CACNA1C: variants seen among roughly 807,000 people sequenced by gnomAD.
CACNA1C encodes calcium voltage-gated channel subunit alpha1 C, also known as voltage-dependent L-type calcium channel subunit alpha-1C.
CACNA1C carries 30 observed loss-of-function variants against 229.0 expected under a neutral mutation model. That is an observed-to-expected ratio of 0.13 (90% CI 0.10 to 0.18). The LOEUF (loss-of-function observed/expected upper bound fraction) is 0.18, where lower values mean the gene tolerates loss of function less well. Among genes scored for constraint, CACNA1C ranks in the 10% least tolerant of loss-of-function variants. CACNA1C has a pLI of 1.00. For synonymous variants in CACNA1C, 1,114 were observed against 1,132.5 expected, an observed-to-expected ratio of 0.98 and a Z score of 0.33; for missense variants, 1,658 against 2,845.0, an observed-to-expected ratio of 0.58 and a Z score of 9.49.
chr12:2,660,233 A>G (rs908252813), intron 34 of CACNA1C: 1 of 152,316 alleles, frequency 6.6e-6, no homozygotes, highest in African/African-American at 2.4e-5. Context: ...TCAGAGTTGC[A>G]TTGTGGGTGC....
intron 3 of CACNA1C, among the ~76,000 whole-genome samples, chr12:2,283,416 G>A (rs990327461): frequency 2.0e-5 from 3 of 152,128 alleles, no homozygotes; most frequent in Non-Finnish European, 2.9e-5. Context: ...GGTTGGGCTG[G>A]ACAAATTAGA....
chr12:2,190,909 A>G (rs776335628), intron 3 of CACNA1C, among the ~76,000 whole-genome samples: 4 of 152,140 alleles, frequency 2.6e-5, no homozygotes, highest in Non-Finnish European at 5.9e-5. Flanking sequence ...TGGCTGACAG[A>G]TAAGGGCCCA....
chr12:2,018,540 C>T (rs1371893037), intron 1 of CACNA1C, among the ~76,000 whole-genome samples: 1 of 152,166 alleles, frequency 6.6e-6, no homozygotes, highest in Admixed American at 6.5e-5. Flanking sequence ...ATGAAAGCAA[C>T]AGAGCAAGGA....
At chr12:2,499,198 C>T (rs144445889) in intron 7 of CACNA1C, among the ~76,000 whole-genome samples, 13 of 152,232 alleles carry the variant, frequency 8.5e-5, no homozygotes, top group East Asian at 7.7e-4. Context: ...TTCTGAAAGC[C>T]GCAGGTTGAT....
In CACNA1C at chr12:2,689,184, C is replaced by T. The variant is rs58010731; in HGVS notation, c.6117+405C>T. ...TTAACTGATGATTGTTAAAGCTCTT[C>T]GATGATTTTAACGTGTAGCAAGGTT... On this transcript the variant is annotated intron_variant, in intron 46 of 46. Transcript: ENST00000399655. This position sits in a 1 kb window ranked among gnomAD's most constrained non-coding sequence, Gnocchi z 4.2. 0.81 allele frequency among the ~76,000 whole-genome samples: 122,442 copies of T among 152,066 alleles called. 52,646 individuals are homozygous for T. The highest frequency in any genetic ancestry group is 0.96 in the South Asian group (4,615 of 4,818).
At chr12:2,457,400 T>A (rs2154564892) in intron 4 of CACNA1C, among the ~76,000 whole-genome samples, 167 bp from the exon 5 acceptor site, 1 of 152,318 alleles carries the variant, frequency 6.6e-6, no homozygotes, top group South Asian at 2.1e-4. Flanking sequence ...ACTGAGGGGA[T>A]GTCAGCTTAC....
At chr12:2,686,676 C>T (rs929872588) in intron 45 of CACNA1C, among the ~76,000 whole-genome samples, 2 of 152,192 alleles carry the variant, frequency 1.3e-5, no homozygotes, top group Admixed American at 1.3e-4. Flanking sequence ...CACAAAAATC[C>T]ATCCAGTGAC....
At chr12:2,302,974 T>C (rs2094693502) in intron 3 of CACNA1C, among the ~76,000 whole-genome samples, 1 of 152,132 alleles carries the variant, frequency 6.6e-6, no homozygotes, top group Non-Finnish European at 1.5e-5. Context: ...GGGGGCCTGG[T>C]AAATGCAGAG....
chr12:2,138,461 T>G (rs960677505), intron 3 of CACNA1C, among the ~76,000 whole-genome samples: 10 of 151,098 alleles, frequency 6.6e-5, no homozygotes, highest in African/African-American at 2.2e-4. Context: ...GCTTGAACCC[T>G]GGCAGTTGGG....
rs2154506179 is a variant in CACNA1C at position 2,054,755 on chromosome 12, C to A, written c.49+1144C>A. ...AGTCTCTCCCTTTTCTCTCCCAGTTCCCAGAGCCTCCCTGTTTGCACTCTT... is the reference window on the plus strand; with the variant it reads ...AGTCTCTCCCTTTTCTCTCCCAGTTACCAGAGCCTCCCTGTTTGCACTCTT... On this transcript the variant is annotated intron_variant, in intron 1 of 46. Transcript: ENST00000399655. The surrounding 1 kb of genome is among the most constrained non-coding windows in gnomAD (Gnocchi z 5.5). Among the ~76,000 whole-genome samples, 1 of 152,182 alleles carries A rather than the reference C, an allele frequency of 6.6e-6. No individual in the cohort carries two copies. The highest frequency in any genetic ancestry group is 1.5e-5 in the Non-Finnish European group (1 of 68,002).
rs115430760 is a variant in CACNA1C, at chr12:2,362,023, C to G, written c.478-86953C>G. Among the ~76,000 whole-genome samples the G allele has an allele frequency of 5.8e-3, 880 of 152,332 alleles. 10 individuals carry two copies. Among genetic ancestry groups the G allele is most frequent in the African/African-American group, 0.02 (836 of 41,550 alleles). Reference sequence around the variant, plus strand: ...AATTAGAGTAATAATCTCCACCCCGCAGGCCATTCATTGGCATTAGACATC... The same window carrying G: ...AATTAGAGTAATAATCTCCACCCCGGAGGCCATTCATTGGCATTAGACATC... On this transcript the variant is annotated intron_variant, in intron 3 of 46. Coordinates refer to ENST00000399655, the MANE Select transcript of CACNA1C (RefSeq NM_000719.7).
chr12:2,184,083 T>G (rs528357326), intron 3 of CACNA1C, among the ~76,000 whole-genome samples: 8 of 152,144 alleles, frequency 5.3e-5, no homozygotes, highest in African/African-American at 1.9e-4. Context: ...CTCCATCCCA[T>G]CCCCCACTGC....
Position 2,639,397 on chromosome 12 carries a change from G to A in CACNA1C, c.3912+5017G>A, listed in dbSNP as rs987277813. On this transcript the variant is annotated intron_variant, in intron 30 of 46. Transcript: ENST00000399655. This position sits in a 1 kb window ranked among gnomAD's most constrained non-coding sequence, Gnocchi z 4.2. ...ACTGCTTGGGCCAACAGCCTTTCCC[G>A]ACACACTTCTTTTTCATTTTGTATT... Among the ~76,000 whole-genome samples, 4 of 152,166 alleles carry A rather than the reference G, an allele frequency of 2.6e-5. No individual in the cohort carries two copies. The highest frequency in any genetic ancestry group is 5.9e-5 in the Non-Finnish European group (4 of 68,030).
In CACNA1C at chr12:2,679,849, C is replaced by G. The variant is rs752687692; in HGVS notation, c.5444+53C>G. ...GGCACACAGGGCCCACGTGCTGCAA[C>G]CCTCAGGAGACAGTGGAGGAGACGG... On this transcript the variant is annotated intron_variant, in intron 42 of 46. Transcript: ENST00000399655. The surrounding 1 kb of genome is among the most constrained non-coding windows in gnomAD (Gnocchi z 5.5). The G allele has an allele frequency of 3.1e-6, 4 of 1,293,478 alleles. No individual in the cohort carries two copies. Among genetic ancestry groups the G allele is most frequent in the Admixed American group, 4.6e-5 (2 of 43,834 alleles). The allele number at this position is 1,293,478 out of a possible 1,614,324, so 80.1% of individuals were successfully genotyped here. A position where few individuals can be genotyped will look rare whatever the true frequency, so the allele number is the denominator to read the frequency against.
At position 2,512,897 on chromosome 12, in the gene CACNA1C, A is replaced by G; in HGVS notation, c.1303A>G (p.Lys435Glu). The change falls in exon 9 of 47, where the codon AAA (lysine) becomes GAA (glutamate). Residue 435 changes from lysine to glutamate, a missense_variant. By Grantham distance (56) the Lys-to-Glu change is moderately conservative. Around this residue, in one of 20 missense-constraint regions of CACNA1C, gnomAD observed 149 missense variants for 194.2 expected, o/e 0.77. Coordinates refer to ENST00000399655, the MANE Select transcript of CACNA1C (RefSeq NM_000719.7). This position sits in a 1 kb window ranked among gnomAD's most constrained non-coding sequence, Gnocchi z 4.3. ...REKQQLEEDL[K>E]GYLDWITQAE... ...GAAGCAGCAGCTAGAAGAGGATCTC[A>G]AAGGCTACCTGGATTGGATCACTCA... 1 of 1,612,742 alleles carries G rather than the reference A, an allele frequency of 6.2e-7. No individual in the cohort carries two copies. Among genetic ancestry groups the G allele is most frequent in the Non-Finnish European group, 8.5e-7 (1 of 1,179,160 alleles).
chr12:2,175,810 T>C (rs1469907736), intron 3 of CACNA1C, among the ~76,000 whole-genome samples: 1 of 152,124 alleles, frequency 6.6e-6, no homozygotes, highest in Non-Finnish European at 1.5e-5. Context: ...GCAGGACAGG[T>C]GCTTTCTCAT....
chr12:2,207,781 A>G (rs914940333), intron 3 of CACNA1C, among the ~76,000 whole-genome samples: 9 of 152,180 alleles, frequency 5.9e-5, no homozygotes, highest in African/African-American at 1.9e-4. Context: ...AGATCGTGCC[A>G]CTGTATTCCA....
chr12:2,055,809 TG>T (rs1410211967), intron 1 of CACNA1C, among the ~76,000 whole-genome samples: 1 of 152,198 alleles, frequency 6.6e-6, no homozygotes, highest in African/African-American at 2.4e-5. Flanking sequence ...CCAAGATCCC[TG>T]TCTCCCCTCT....
chr12:2,259,305 A>G (rs2079148981), intron 3 of CACNA1C, among the ~76,000 whole-genome samples: 2 of 152,248 alleles, frequency 1.3e-5, no homozygotes, highest in Admixed American at 1.3e-4. Context: ...TGTATGCTGA[A>G]GTTTGAGACT....
Sources: allele counts gnomAD v4.1 joint callset (sites outside exome capture counted in the v4.1 genomes callset), GRCh38; gene constraint gnomAD v4.1.1; regional missense constraint gnomAD v4.1.1; non-coding constraint Gnocchi (gnomAD v3.1); transcripts MANE v1.5; gene names NCBI Gene and HGNC (gene_info 2026-07-23, HGNC 2026-07-21).